The following DGKH variants were observed in gnomAD, a reference collection of about 807,000 sequenced individuals.
DGKH encodes diacylglycerol kinase eta.
In DGKH, 90 loss-of-function variants were observed where a neutral mutation model predicts 159.3. The observed-to-expected ratio is 0.57, with a 90% CI of 0.48 to 0.67. The LOEUF is 0.67. DGKH is among the 30% of genes least tolerant of loss of function. The pLI is 0.00. For missense variants in DGKH, 1,181 were observed against 1,506.1 expected (o/e 0.78, Z 3.57); for synonymous variants, 536 against 553.8 (o/e 0.97, Z 0.45).
At chr13:42,086,731 G>GAA (rs1954309664) in intron 1 of DGKH, among the ~76,000 whole-genome samples, 1 of 152,174 alleles carries the variant, frequency 6.6e-6, no homozygotes, top group African/African-American at 2.4e-5. Flanking sequence ...ATCACTTAGA[G>GAA]AAAGAGGGAA....
chr13:42,184,380 A>G (rs966551218), intron 13 of DGKH, among the ~76,000 whole-genome samples: 3 of 152,192 alleles, frequency 2.0e-5, no homozygotes, highest in African/African-American at 7.2e-5. Flanking sequence ...AAATGAGGGT[A>G]CTAATACTAG....
intron 7 of DGKH, among the ~76,000 whole-genome samples, chr13:42,164,317 G>A (rs1956262306): frequency 6.6e-6 from 1 of 152,008 alleles, no homozygotes; most frequent in South Asian, 2.1e-4. Flanking sequence ...TTGCTCCATG[G>A]TTCTTATACA....
At position 42,190,291 on chromosome 13, in the gene DGKH, A is replaced by G. The variant is rs148217463; in HGVS notation, c.1913-112A>G. ...CATTGCTAAATAGTGTTTATTTGTG[A>G]ATCTGGAATTTTGTTTGGCATATGT... On this transcript the variant is annotated intron_variant, in intron 15 of 29. Transcript: ENST00000337343. The G allele has an allele frequency of 3.8e-5, 50 of 1,306,322 alleles. No individual in the cohort carries two copies. The African/African-American group carries it at 6.9e-4, about 18-fold the overall frequency. 80.9% of individuals were successfully genotyped at this position (1,306,322 alleles called of 1,614,324 possible). A position where few individuals can be genotyped will look rare whatever the true frequency, so the allele number is the denominator to read the frequency against.
At chr13:42,195,511 A>G (rs1320143696) in intron 17 of DGKH, among the ~76,000 whole-genome samples, 1 of 152,116 alleles carries the variant, frequency 6.6e-6, no homozygotes. Context: ...CAGAAAACAA[A>G]CAAACAAACA....
chr13:42,086,252 G>A (rs1954298831), intron 1 of DGKH, among the ~76,000 whole-genome samples: 1 of 152,022 alleles, frequency 6.6e-6, no homozygotes, highest in Non-Finnish European at 1.5e-5. Flanking sequence ...ATAAAAACAG[G>A]GATCTTTCAC....
At chr13:42,139,552 G>A (rs1413784468) in intron 3 of DGKH, among the ~76,000 whole-genome samples, 1 of 152,082 alleles carries the variant, frequency 6.6e-6, no homozygotes, top group Non-Finnish European at 1.5e-5. Flanking sequence ...TCCATGACTC[G>A]GAAAACATAG....
chr13:42,100,171 A>G (rs1323680564), intron 1 of DGKH, among the ~76,000 whole-genome samples: 4 of 152,176 alleles, frequency 2.6e-5, no homozygotes, highest in African/African-American at 9.7e-5. Context: ...CTGCAGCGGC[A>G]TTAGATTCTC....
intron 1 of DGKH, among the ~76,000 whole-genome samples, chr13:42,114,000 A>G (rs981503759): frequency 2.6e-5 from 4 of 152,184 alleles, no homozygotes; most frequent in African/African-American, 9.7e-5. Flanking sequence ...TAGAAAATCT[A>G]CTGTCTTTTA....
rs1957006343 is a variant in DGKH at position 42,189,256 on chromosome 13, G to A, written c.1859G>A (p.Arg620Gln). Residue 620 changes from arginine (R) to glutamine (Q), a missense_variant, in exon 15 of 30, where the codon CGG becomes CAG. By Grantham distance (43) the Arg-to-Gln change is conservative (BLOSUM62 1). This residue lies in a region of DGKH where 257 missense variants were observed against 281.5 expected (regional missense o/e 0.91). Coordinates refer to ENST00000337343, the MANE Select transcript of DGKH (RefSeq NM_178009.5). ...KAVKPREIMLRANSLKKAVRQ... is the reference protein window; with the variant it reads ...KAVKPREIMLQANSLKKAVRQ... ...GTCAAACCAAGGGAAATCATGTTGC[G>A]GGCAAATAGTTTAAAGAAAGCAGTG... The A allele has an allele frequency of 3.7e-6, 6 of 1,614,062 alleles. No homozygotes were observed. Among genetic ancestry groups the A allele is most frequent in the African/African-American group, 1.3e-5 (1 of 74,942 alleles).
At chr13:42,188,911 G>T (rs1470467374) in intron 14 of DGKH, 125 bp from the exon 15 acceptor site, 1 of 1,084,136 alleles carries the variant, frequency 9.2e-7, no homozygotes, top group Non-Finnish European at 1.3e-6. Flanking sequence ...TTAAAGGTGA[G>T]AATTTTGGTG....
chr13:42,196,951 C>T (rs918367442), intron 17 of DGKH, among the ~76,000 whole-genome samples: 1 of 152,090 alleles, frequency 6.6e-6, no homozygotes, highest in East Asian at 1.9e-4. Flanking sequence ...AACCCTAAAA[C>T]ATCTTAGAAA....
chr13:42,068,948 G>T lies in DGKH; in HGVS notation c.192+19983G>T, dbSNP rs2137687029. 5 of 1,438,640 alleles carry T rather than the reference G, an allele frequency of 3.5e-6. No homozygotes were observed. The East Asian group carries it at 9.3e-5, about 27-fold the overall frequency. The allele number at this position is 1,438,640 out of a possible 1,614,324, so 89.1% of individuals were successfully genotyped here. ...CTGAGTGTTTTAGTTCAGATGTTCA[G>T]AATGCCGCTGTATGTTTGATGAGGA... is the stretch of plus-strand genomic sequence containing the variant. On this transcript the variant is annotated intron_variant, in intron 1 of 29. Transcript: ENST00000337343.
chr13:42,084,685 G>C (rs953548230), intron 1 of DGKH, among the ~76,000 whole-genome samples: 1 of 151,496 alleles, frequency 6.6e-6, no homozygotes, highest in African/African-American at 2.4e-5. Flanking sequence ...TTCTTTATAG[G>C]TTGCTACAGC....
upstream of DGKH, among the ~76,000 whole-genome samples, chr13:42,048,574 G>A (rs529793640): frequency 5.6e-3 from 852 of 152,320 alleles, 11 homozygotes; most frequent in African/African-American, 0.02. The surrounding 1 kb of genome is among the most constrained non-coding windows in gnomAD (Gnocchi z 6.7). Flanking sequence ...GGCGGGAACC[G>A]AGCGGAGGAG....
intron 1 of DGKH, among the ~76,000 whole-genome samples, chr13:42,055,323 C>T (rs1028582312): frequency 1.3e-5 from 2 of 152,098 alleles, no homozygotes; most frequent in Non-Finnish European, 2.9e-5. Context: ...GCTTGGTTTG[C>T]GTCTTTGCTT....
intron 12 of DGKH, among the ~76,000 whole-genome samples, chr13:42,177,670 G>T (rs956890450): frequency 1.3e-5 from 2 of 152,082 alleles, no homozygotes; most frequent in African/African-American, 4.8e-5. Flanking sequence ...TTTTCTAGTT[G>T]TTTTCATTTT....
intron 1 of DGKH, among the ~76,000 whole-genome samples, chr13:42,097,171 G>A (rs1016881832): frequency 6.6e-6 from 1 of 152,080 alleles, no homozygotes; most frequent in East Asian, 1.9e-4. Flanking sequence ...TGGGCTTTTT[G>A]TATTCCCTTT....
At chr13:42,164,028 T>C (rs1424564369) in intron 7 of DGKH, among the ~76,000 whole-genome samples, 2 of 152,206 alleles carry the variant, frequency 1.3e-5, no homozygotes, top group East Asian at 3.8e-4. Context: ...CCATCTTGAA[T>C]TGATTTTTGT....
intron 14 of DGKH, 133 bp from the exon 15 acceptor site, chr13:42,188,903 A>G: frequency 1.0e-6 from 1 of 991,942 alleles, no homozygotes; most frequent in Non-Finnish European, 1.4e-6. Context: ...CTACAAAATT[A>G]AAGGTGAGAA....
Sources: gnomAD v4.1 joint callset for allele counts (sites outside exome capture counted in the v4.1 genomes callset) on GRCh38, gnomAD v4.1.1 for gene constraint, gnomAD v4.1.1 regional missense constraint, Gnocchi (gnomAD v3.1) non-coding constraint, MANE v1.5 for transcripts, NCBI Gene and HGNC (gene_info 2026-07-23, HGNC 2026-07-21) for gene names.